FAM174A: variants seen among roughly 807,000 people sequenced by gnomAD.
FAM174A encodes the protein family with sequence similarity 174 member A.
A neutral mutation model predicts 14.3 loss-of-function variants in FAM174A; 14 were observed. The ratio of observed to expected loss-of-function variants is 0.98; its 90% CI spans 0.65 to 1.53. The LOEUF is 1.53. Ranked by LOEUF, FAM174A falls within the 40% of genes most tolerant of loss-of-function variation. The pLI is 0.00. For missense variants in FAM174A, 241 were observed against 249.6 expected, an observed-to-expected ratio of 0.97 and a Z score of 0.23; for synonymous variants, 108 against 111.4, an observed-to-expected ratio of 0.97 and a Z score of 0.19.
chr5:100,561,758 G>T (rs1452495554), intron 1 of FAM174A, among the ~76,000 whole-genome samples: 1 of 151,820 alleles, frequency 6.6e-6, no homozygotes, highest in Non-Finnish European at 1.5e-5. Context: ...AAAAATTAAG[G>T]TTTAAAGTAC....
chr5:100,536,978 A>G (rs1292007456), intron 1 of FAM174A, among the ~76,000 whole-genome samples: 1 of 152,194 alleles, frequency 6.6e-6, no homozygotes, highest in African/African-American at 2.4e-5. Flanking sequence ...TATTAAAACT[A>G]TTTTCAAAAT....
intron 1 of FAM174A, among the ~76,000 whole-genome samples, chr5:100,538,852 A>G (rs2112361757): frequency 6.6e-6 from 1 of 152,084 alleles, no homozygotes; most frequent in East Asian, 1.9e-4. Context: ...TCCACAGTAA[A>G]ATGTATAAGG....
chr5:100,579,488 G>A (rs530661815), intron 2 of FAM174A, among the ~76,000 whole-genome samples: 4 of 152,048 alleles, frequency 2.6e-5, no homozygotes, highest in African/African-American at 9.6e-5. Flanking sequence ...GCGATGGCAC[G>A]ATCTCGTCTC....
chr5:100,549,607 ATTTTTT>A (rs202143815), intron 1 of FAM174A, among the ~76,000 whole-genome samples: 1 of 138,730 alleles, frequency 7.2e-6, no homozygotes, highest in Non-Finnish European at 1.6e-5. Flanking sequence ...CACGCTTTTG[ATTTTTT>A]TTTTTTTTTT....
At chr5:100,547,240 A>G (rs557479681) in intron 1 of FAM174A, among the ~76,000 whole-genome samples, 6 of 152,242 alleles carry the variant, frequency 3.9e-5, no homozygotes, top group Admixed American at 2.6e-4. Flanking sequence ...AAAAAAAAGT[A>G]TGAGTGGAGT....
At chr5:100,552,335 C>T (rs1746280547) in intron 1 of FAM174A, among the ~76,000 whole-genome samples, 1 of 151,890 alleles carries the variant, frequency 6.6e-6, no homozygotes, top group Non-Finnish European at 1.5e-5. Flanking sequence ...GATTATTATT[C>T]ACTGTTTCAT....
In FAM174A at chr5:100,566,141, G is replaced by GATATATATATATATAT. The variant is rs60895683; in HGVS notation, c.569+3968_569+3983dup. 4.5e-3 allele frequency among the ~76,000 whole-genome samples: 371 copies of GATATATATATATATAT among 81,716 alleles called. 9 individuals carry two copies. Among genetic ancestry groups the GATATATATATATATAT allele is most frequent in the Middle Eastern group, 8.9e-3 (1 of 112 alleles). 53.6% of individuals were successfully genotyped at this position (81,716 alleles called of 152,430 possible). Reference sequence around the variant, plus strand: ...ACAGATAAATGAATTTGAAAAGTATGATATATATATATATATATATATATA... The same window carrying GATATATATATATATAT: ...ACAGATAAATGAATTTGAAAAGTATGATATATATATATATATATATATATATATATATATATATATA... On this transcript the variant is annotated intron_variant, in intron 2 of 2. Transcript: ENST00000312637.
In FAM174A at chr5:100,536,537, A is replaced by G. The variant is rs561495436; in HGVS notation, c.434+573A>G. 3.9e-5 allele frequency among the ~76,000 whole-genome samples: 6 copies of G among 152,300 alleles called. No homozygotes were observed. In the East Asian group the frequency reaches 1.2e-3, roughly 29 times the overall value. Reference sequence around the variant, plus strand: ...AGAAGAAAAGTTCTTCCTTACTATCAGTGTTTCCTAGTATTGCCCTTTAAT... The same window carrying G: ...AGAAGAAAAGTTCTTCCTTACTATCGGTGTTTCCTAGTATTGCCCTTTAAT... On this transcript the variant is annotated intron_variant, in intron 1 of 2. Coordinates refer to ENST00000312637, the MANE Select transcript of FAM174A (RefSeq NM_198507.3).
intron 2 of FAM174A, among the ~76,000 whole-genome samples, chr5:100,573,122 G>C (rs1218821215): frequency 4.6e-5 from 7 of 152,164 alleles, no homozygotes; most frequent in South Asian, 2.1e-4. Context: ...TTGTAAATTT[G>C]TTTGAGTTCA....
chr5:100,571,152 G>GTATATATGTA lies in FAM174A; in HGVS notation c.569+8971_569+8972insGTATATATAT, dbSNP rs1746770788. Among the ~76,000 whole-genome samples, 3 of 150,444 alleles carry GTATATATGTA rather than the reference G, an allele frequency of 2.0e-5. No homozygotes were observed. In the South Asian group the frequency reaches 6.2e-4, roughly 31 times the overall value. On this transcript the variant is annotated intron_variant, in intron 2 of 2. Coordinates refer to ENST00000312637, the MANE Select transcript of FAM174A (RefSeq NM_198507.3). ...TGTACATATACATATATATGTGTGTGTATATATATATGTGTGTGTGTGTGT... is the reference window on the plus strand; with the variant it reads ...TGTACATATACATATATATGTGTGTGTATATATGTATATATATATATGTGTGTGTGTGTGT...
At chr5:100,562,606 G>A (rs1418517330) in intron 2 of FAM174A, among the ~76,000 whole-genome samples, 1 of 151,494 alleles carries the variant, frequency 6.6e-6, no homozygotes, top group African/African-American at 2.4e-5. Flanking sequence ...GTGTTTGTGT[G>A]CGTGTGTGTT....
At chr5:100,542,525 T>C (rs963927085) in intron 1 of FAM174A, among the ~76,000 whole-genome samples, 3 of 152,312 alleles carry the variant, frequency 2.0e-5, no homozygotes, top group Middle Eastern at 3.4e-3. Context: ...ACTAGATTAT[T>C]GTGCTATTGT....
chr5:100,548,873 A>G (rs1746210773), intron 1 of FAM174A, among the ~76,000 whole-genome samples: 1 of 152,144 alleles, frequency 6.6e-6, no homozygotes, highest in Admixed American at 6.6e-5. Context: ...CCTCTGTCTC[A>G]TAAACTATTA....
At chr5:100,580,935 T>G (rs1416537960) in intron 2 of FAM174A, among the ~76,000 whole-genome samples, 4 of 152,078 alleles carry the variant, frequency 2.6e-5, no homozygotes, top group Admixed American at 6.6e-5. Flanking sequence ...TGTTGTTTGT[T>G]TGTTTGTTTT....
chr5:100,550,700 A>AT (rs1746245080), intron 1 of FAM174A, among the ~76,000 whole-genome samples: 1 of 152,190 alleles, frequency 6.6e-6, no homozygotes, highest in South Asian at 2.1e-4. Flanking sequence ...AGTGGAAGCC[A>AT]ATAGTAGAGG....
intron 1 of FAM174A, among the ~76,000 whole-genome samples, chr5:100,559,693 T>G (rs1438788850): frequency 6.6e-6 from 1 of 152,100 alleles, no homozygotes; most frequent in South Asian, 2.1e-4. Flanking sequence ...TTCATGTCAT[T>G]CATTTGATCT....
At chr5:100,558,311 T>C (rs1418533964) in intron 1 of FAM174A, among the ~76,000 whole-genome samples, 2 of 152,226 alleles carry the variant, frequency 1.3e-5, no homozygotes, top group Non-Finnish European at 2.9e-5. Flanking sequence ...TACAGTTTGT[T>C]ATAATTTCTG....
At chr5:100,574,464 A>T (rs1374643428) in intron 2 of FAM174A, among the ~76,000 whole-genome samples, 4 of 152,172 alleles carry the variant, frequency 2.6e-5, no homozygotes, top group African/African-American at 4.8e-5. Context: ...CTGGGATTAC[A>T]GATGTGAGCC....
intron 1 of FAM174A, among the ~76,000 whole-genome samples, chr5:100,538,370 A>G (rs1002775139): frequency 1.3e-5 from 2 of 152,134 alleles, no homozygotes; most frequent in Non-Finnish European, 2.9e-5. Context: ...ATTTTATTAC[A>G]TTGAACTACA....
Sources: gnomAD v4.1 joint callset for allele counts (sites outside exome capture counted in the v4.1 genomes callset) on GRCh38, gnomAD v4.1.1 for gene constraint, MANE v1.5 for transcripts, NCBI Gene and HGNC (gene_info 2026-07-23, HGNC 2026-07-21) for gene names.